Variants in GABRG1 observed in about 807,000 individuals in gnomAD.
GABRG1 encodes the protein gamma-aminobutyric acid type A receptor subunit gamma1.
Under a neutral mutation model 49.8 loss-of-function variants are expected in GABRG1, and 49 were observed. That is an observed-to-expected ratio of 0.98 (90% CI 0.78 to 1.25). The LOEUF is 1.25. Ranked by LOEUF, GABRG1 falls within the 50% of genes most tolerant of loss-of-function variation. The pLI is 0.00. For missense variants in GABRG1, 552 were observed against 552.3 expected (o/e 1.00, Z 0.01); for synonymous variants, 232 against 185.1 (o/e 1.25, Z -2.06).
chr4:46,045,522 G>T (rs1679169360), intron 8 of GABRG1, among the ~76,000 whole-genome samples: 1 of 151,132 alleles, frequency 6.6e-6, no homozygotes, highest in South Asian at 2.1e-4. Context: ...GGAAATGAAA[G>T]AGGACAAAAC....
At chr4:46,068,482 G>T (rs1351716958) in intron 3 of GABRG1, among the ~76,000 whole-genome samples, 1 of 152,046 alleles carries the variant, frequency 6.6e-6, no homozygotes, top group Non-Finnish European at 1.5e-5. Context: ...GTTAATCACT[G>T]TTGGAAGACT....
chr4:46,050,023 A>G (rs1718155150), intron 8 of GABRG1, among the ~76,000 whole-genome samples: 1 of 152,008 alleles, frequency 6.6e-6, no homozygotes, highest in Non-Finnish European at 1.5e-5. Flanking sequence ...ATAATCCAAC[A>G]TAGATACAGA....
chr4:46,092,269 T>A lies in GABRG1; in HGVS notation c.253+4932A>T, dbSNP rs1327038160. 3.3e-5 allele frequency among the ~76,000 whole-genome samples: 5 copies of A among 152,108 alleles called. 1 individual carries two copies. Among genetic ancestry groups the A allele is most frequent in the African/African-American group, 1.2e-4 (5 of 41,544 alleles). On this transcript the variant is annotated intron_variant, in intron 2 of 8. Coordinates refer to ENST00000295452, the MANE Select transcript of GABRG1 (RefSeq NM_173536.4). ...TTTAAACACCTTAAAACAATAATAA[T>A]CATGTCTTTTGGTATTTCAGATAAA...
chr4:46,111,846 T>C (rs1720726594), intron 1 of GABRG1, among the ~76,000 whole-genome samples: 1 of 151,290 alleles, frequency 6.6e-6, no homozygotes, highest in African/African-American at 2.4e-5. Context: ...TGACTCATGA[T>C]AGATTAAAGG....
At chr4:46,067,402 C>T (rs1045692614) in intron 3 of GABRG1, among the ~76,000 whole-genome samples, 6 of 151,982 alleles carry the variant, frequency 3.9e-5, no homozygotes, top group African/African-American at 1.2e-4. Flanking sequence ...AATATATACA[C>T]TTATAATTCT....
intron 3 of GABRG1, among the ~76,000 whole-genome samples, chr4:46,069,796 A>T (rs1023885449): frequency 6.6e-5 from 10 of 152,134 alleles, no homozygotes; most frequent in African/African-American, 2.4e-4. Context: ...TGGTATGAAC[A>T]TATACATCAT....
In GABRG1 at chr4:46,037,989, G is replaced by C. The variant is rs919745326; in HGVS notation, c.*2999C>G. 1 of 151,630 alleles carries C rather than the reference G, an allele frequency of 6.6e-6. No homozygotes were observed. The highest frequency in any genetic ancestry group is 1.5e-5 in the Non-Finnish European group (1 of 67,724). The allele number at this position is 151,630 out of a possible 1,614,324, so 9.4% of individuals were successfully genotyped here. A position where few individuals can be genotyped will look rare whatever the true frequency, so the allele number is the denominator to read the frequency against. ...CTAATGCCAGAATATGGAAACACAA[G>C]TGAAAAAATCCTTATGATTGCCTTC... is the stretch of plus-strand genomic sequence containing the variant. On this transcript the variant is annotated 3_prime_UTR_variant, in exon 9 of 9. Transcript: ENST00000295452.
At chr4:46,069,132 T>G (rs945278332) in intron 3 of GABRG1, among the ~76,000 whole-genome samples, 42 of 152,086 alleles carry the variant, frequency 2.8e-4, no homozygotes, top group African/African-American at 9.4e-4. Context: ...ACCAGTTAAT[T>G]CAATATTACT....
At chr4:46,081,371 TTTTC>T in intron 3 of GABRG1, among the ~76,000 whole-genome samples, 1 of 151,858 alleles carries the variant, frequency 6.6e-6, no homozygotes, top group African/African-American at 2.4e-5. Context: ...CCAGTTCATA[TTTTC>T]TTGCACTAAT....
At chr4:46,075,942 G>T (rs992300787) in intron 3 of GABRG1, among the ~76,000 whole-genome samples, 6 of 151,978 alleles carry the variant, frequency 3.9e-5, no homozygotes, top group African/African-American at 1.2e-4. Flanking sequence ...AGAGACAATG[G>T]AGATTCAGGA....
chr4:46,087,396 T>A (rs1719811247), intron 2 of GABRG1, among the ~76,000 whole-genome samples: 1 of 151,630 alleles, frequency 6.6e-6, no homozygotes, highest in African/African-American at 2.4e-5. Context: ...TGAAATAATA[T>A]AAGTATATTC....
chr4:46,074,016 T>C (rs1719236080), intron 3 of GABRG1, among the ~76,000 whole-genome samples: 1 of 152,150 alleles, frequency 6.6e-6, no homozygotes, highest in South Asian at 2.1e-4. Flanking sequence ...TTATTACCAA[T>C]TAACAGCATG....
rs544020458 is a variant in GABRG1 at position 46,043,423 on chromosome 4, G to A, written c.1132-2169C>T. Among the ~76,000 whole-genome samples the A allele has an allele frequency of 2.2e-3, 330 of 151,808 alleles. 1 individual carries two copies. Among genetic ancestry groups the A allele is most frequent in the African/African-American group, 7.4e-3 (305 of 41,432 alleles). On this transcript the variant is annotated intron_variant, in intron 8 of 8. Transcript: ENST00000295452. ...GAATTGAAAGAAACTACACATCAGTGAACAATGAAAGTAAACAGAAATGGA... is the reference window on the plus strand; with the variant it reads ...GAATTGAAAGAAACTACACATCAGTAAACAATGAAAGTAAACAGAAATGGA...
At position 46,065,512 on chromosome 4, in the gene GABRG1, C is replaced by T. The variant is rs201041178; in HGVS notation, c.394G>A (p.Val132Met). The change falls in exon 4 of 9, where the codon GTG (valine) becomes ATG (methionine). Residue 132 changes from valine to methionine, a missense_variant. By Grantham distance (21) the Val-to-Met change is conservative. Transcript: ENST00000295452. ...ACCATATTACTGTTAAGCATAAGCA[C>T]TTTCATGGTACTATTGAATTTTAAA... ...SRLKFNSTMKVLMLNSNMVGK... is the reference protein window; with the variant it reads ...SRLKFNSTMKMLMLNSNMVGK... 26 of 1,606,008 alleles carry T rather than the reference C, an allele frequency of 1.6e-5. No homozygotes were observed. Among genetic ancestry groups the T allele is most frequent in the Non-Finnish European group, 2.0e-5 (23 of 1,173,138 alleles).
chr4:46,062,267 G>A (rs955662972), intron 5 of GABRG1, among the ~76,000 whole-genome samples: 29 of 151,864 alleles, frequency 1.9e-4, no homozygotes, highest in Non-Finnish European at 4.0e-4. Context: ...TCTTAATCCA[G>A]TCTATCATTG....
chr4:46,045,905 T>A (rs1717980063), intron 8 of GABRG1, among the ~76,000 whole-genome samples: 1 of 151,746 alleles, frequency 6.6e-6, no homozygotes, highest in Non-Finnish European at 1.5e-5. Flanking sequence ...AGAAAGAGAA[T>A]AAGAAAGATA....
rs1411798729 is a variant in GABRG1 at position 46,099,746 on chromosome 4, T to G, written c.105-2397A>C. ...CATAGAATGTGCTTTGTATGCAACC[T>G]CAAGAAAGCTTTCTAGTAGTCAGAG... On this transcript the variant is annotated intron_variant, in intron 1 of 8. Transcript: ENST00000295452. 4.0e-5 allele frequency among the ~76,000 whole-genome samples: 6 copies of G among 151,630 alleles called. No individual in the cohort carries two copies. In the Admixed American group the frequency reaches 4.0e-4, roughly 10 times the overall value.
At chr4:46,074,207 C>G (rs2109415657) in intron 3 of GABRG1, among the ~76,000 whole-genome samples, 1 of 152,272 alleles carries the variant, frequency 6.6e-6, no homozygotes, top group East Asian at 1.9e-4. Flanking sequence ...AGTGTTTCTA[C>G]ATCTGTGACT....
intron 3 of GABRG1, among the ~76,000 whole-genome samples, chr4:46,080,509 C>A (rs1719523645): frequency 6.6e-6 from 1 of 151,686 alleles, no homozygotes; most frequent in Non-Finnish European, 1.5e-5. Flanking sequence ...TCACTAGTTT[C>A]AATAGCAATT....
Sources: gnomAD v4.1 joint callset for allele counts (sites outside exome capture counted in the v4.1 genomes callset) on GRCh38, gnomAD v4.1.1 for gene constraint, MANE v1.5 for transcripts, NCBI Gene and HGNC (gene_info 2026-07-23, HGNC 2026-07-21) for gene names.